The following ADAMTS2 variants were observed in gnomAD, a reference collection of about 807,000 sequenced individuals.
ADAMTS2 encodes A disintegrin and metalloproteinase with thrombospondin motifs 2.
In ADAMTS2, 50 loss-of-function variants were observed where a neutral mutation model predicts 123.0. The ratio of observed to expected loss-of-function variants is 0.41; its 90% CI spans 0.32 to 0.51. The LOEUF is 0.51. ADAMTS2 is among the 20% of genes least tolerant of loss of function. The probability of loss-of-function intolerance (pLI) is 0.35; values close to 1 mark genes in which losing one functional copy is unlikely to be tolerated. For missense variants in ADAMTS2, 1,494 were observed against 1,705.2 expected, an observed-to-expected ratio of 0.88 and a Z score of 2.18; for synonymous variants, 678 against 695.4, an observed-to-expected ratio of 0.98 and a Z score of 0.39.
At chr5:179,196,012 C>A (rs1764422651) in intron 4 of ADAMTS2, among the ~76,000 whole-genome samples, 1 of 152,196 alleles carries the variant, frequency 6.6e-6, no homozygotes, top group African/African-American at 2.4e-5. Flanking sequence ...ATCTCTGCGG[C>A]CAGTTTACGA....
At chr5:179,265,912 G>C (rs971905097) in intron 3 of ADAMTS2, among the ~76,000 whole-genome samples, 1 of 152,278 alleles carries the variant, frequency 6.6e-6, no homozygotes, top group African/African-American at 2.4e-5. Flanking sequence ...AGGGTGGAAA[G>C]AGAGGATGAG....
At chr5:179,152,699 AC>A (rs1248678207) in intron 9 of ADAMTS2, among the ~76,000 whole-genome samples, 2 of 151,796 alleles carry the variant, frequency 1.3e-5, no homozygotes, top group South Asian at 2.1e-4. Flanking sequence ...TCCTGATAGC[AC>A]TTCCTGCAGG....
At chr5:179,232,381 C>T (rs1417311517) in intron 3 of ADAMTS2, among the ~76,000 whole-genome samples, 4 of 152,214 alleles carry the variant, frequency 2.6e-5, no homozygotes, top group Non-Finnish European at 5.9e-5. Flanking sequence ...ACTGATTCTT[C>T]GCAGCAGCTG....
In ADAMTS2 at chr5:179,307,642, G is replaced by A. The variant is rs927851842; in HGVS notation, c.535-34578C>T. Among the ~76,000 whole-genome samples, 12 of 152,092 alleles carry A rather than the reference G, an allele frequency of 7.9e-5. No individual in the cohort carries two copies. The highest frequency in any genetic ancestry group is 1.2e-4 in the Non-Finnish European group (8 of 68,012). On this transcript the variant is annotated intron_variant, in intron 2 of 21. Transcript: ENST00000251582. This position sits in a 1 kb window ranked among gnomAD's most constrained non-coding sequence, Gnocchi z 5.6. ...CGGCTTCCCACCACATGACTGCCCC[G>A]GTCCCCGCTGATTTCTCCTTCACTC...
intron 2 of ADAMTS2, among the ~76,000 whole-genome samples, chr5:179,327,919 A>T (rs1197831984): frequency 6.6e-6 from 1 of 152,268 alleles, no homozygotes; most frequent in Non-Finnish European, 1.5e-5. Flanking sequence ...AAAAAAAGGA[A>T]CCAAATAATA....
At chr5:179,309,329 T>A (rs1166710648) in intron 2 of ADAMTS2, among the ~76,000 whole-genome samples, 4 of 152,132 alleles carry the variant, frequency 2.6e-5, no homozygotes, top group African/African-American at 9.7e-5. Context: ...GGGACCCAGG[T>A]CACAGGATGT....
chr5:179,341,783 A>G (rs1757782952), intron 2 of ADAMTS2, among the ~76,000 whole-genome samples: 1 of 151,952 alleles, frequency 6.6e-6, no homozygotes, highest in Admixed American at 6.5e-5. Flanking sequence ...TTATTCAGTG[A>G]CAGCATTCAA....
chr5:179,139,698 G>C (rs925067394), intron 11 of ADAMTS2, among the ~76,000 whole-genome samples, 192 bp downstream of exon 11: 2 of 152,188 alleles, frequency 1.3e-5, no homozygotes, highest in African/African-American at 2.4e-5. Context: ...GAAGGGGTAA[G>C]AGGCAGAGCT....
At chr5:179,143,574 T>C (rs904942870) in intron 10 of ADAMTS2, among the ~76,000 whole-genome samples, 3 of 152,216 alleles carry the variant, frequency 2.0e-5, no homozygotes, top group Non-Finnish European at 4.4e-5. Flanking sequence ...TAGACAGTTT[T>C]AAGAGGTGGG....
At chr5:179,138,031 A>T (rs918900494) in intron 11 of ADAMTS2, 87 bp from the exon 12 acceptor site, 2 of 1,433,142 alleles carry the variant, frequency 1.4e-6, no homozygotes, top group Non-Finnish European at 1.9e-6. Context: ...TTTAGGGGGG[A>T]TCCCTAAGTC....
At chr5:179,343,685 C>T in intron 2 of ADAMTS2, 82 bp downstream of exon 2, 1 of 1,542,862 alleles carries the variant, frequency 6.5e-7, no homozygotes, top group Non-Finnish European at 8.7e-7. Context: ...GCCTTGCCCT[C>T]CCAAGGGACT....
At chr5:179,278,562 G>T (rs1323673129) in intron 2 of ADAMTS2, among the ~76,000 whole-genome samples, 1 of 152,096 alleles carries the variant, frequency 6.6e-6, no homozygotes, top group Non-Finnish European at 1.5e-5. Flanking sequence ...GCCTGCTGGT[G>T]GCCTGTCTGT....
chr5:179,149,572 G>A (rs1763312424), intron 10 of ADAMTS2, among the ~76,000 whole-genome samples: 1 of 152,222 alleles, frequency 6.6e-6, no homozygotes, highest in Non-Finnish European at 1.5e-5. Flanking sequence ...GTCCCAACTG[G>A]GCAAGACGGT....
At chr5:179,205,973 G>GTGGTAGCCGGGA in intron 4 of ADAMTS2, among the ~76,000 whole-genome samples, 1 of 151,904 alleles carries the variant, frequency 6.6e-6, no homozygotes, top group Non-Finnish European at 1.5e-5. Flanking sequence ...GGGTTTCACC[G>GTGGTAGCCGGGA]TGGTCTCGAT....
intron 11 of ADAMTS2, 77 bp from the exon 12 acceptor site, chr5:179,138,021 T>C: frequency 1.3e-6 from 2 of 1,481,520 alleles, no homozygotes; most frequent in Non-Finnish European, 1.8e-6. Context: ...GTGAGATCTT[T>C]TTAGGGGGGA....
At chr5:179,329,134 TG>T (rs1309509712) in intron 2 of ADAMTS2, among the ~76,000 whole-genome samples, 8 of 152,120 alleles carry the variant, frequency 5.3e-5, no homozygotes, top group Non-Finnish European at 1.0e-4. Flanking sequence ...GAGACCATCC[TG>T]GCTAACACGG....
intron 3 of ADAMTS2, among the ~76,000 whole-genome samples, chr5:179,222,441 C>T (rs537824700): frequency 7.2e-5 from 11 of 152,212 alleles, no homozygotes; most frequent in Non-Finnish European, 1.5e-4. Context: ...GATCCCAGGG[C>T]CACCCTGAGA....
chr5:179,198,387 G>A (rs1050301142), intron 4 of ADAMTS2, among the ~76,000 whole-genome samples: 2 of 152,220 alleles, frequency 1.3e-5, no homozygotes, highest in African/African-American at 2.4e-5. Flanking sequence ...CACAGTGCTT[G>A]GAAGGGAGAC....
chr5:179,121,654 C>G lies in ADAMTS2; in HGVS notation c.3178+7G>C. ...GGCAGAGGCAGAGTTATAAACGGGT[C>G]GGTTACTTGACGAGATCTTCCGGAT... On this transcript the variant is annotated splice_region_variant and intron_variant, in intron 21 of 21. Coordinates refer to ENST00000251582, the MANE Select transcript of ADAMTS2 (RefSeq NM_014244.5). The G allele has an allele frequency of 6.3e-7, 1 of 1,598,342 alleles. No individual in the cohort carries two copies. Among genetic ancestry groups the G allele is most frequent in the South Asian group, 1.1e-5 (1 of 88,018 alleles).
Sources: gnomAD v4.1 joint callset for allele counts (sites outside exome capture counted in the v4.1 genomes callset) on GRCh38, gnomAD v4.1.1 for gene constraint, Gnocchi (gnomAD v3.1) non-coding constraint, MANE v1.5 for transcripts, NCBI Gene and HGNC (gene_info 2026-07-23, HGNC 2026-07-21) for gene names.